The following PRKCE variants were observed in gnomAD, a reference collection of about 807,000 sequenced individuals.
The protein encoded by PRKCE is protein kinase C epsilon type.
In PRKCE, 16 loss-of-function variants were observed where a neutral mutation model predicts 85.4. The ratio of observed to expected loss-of-function variants is 0.19; its 90% CI spans 0.13 to 0.28. The LOEUF (loss-of-function observed/expected upper bound fraction) is 0.28. Ranked by LOEUF, PRKCE falls within the 10% of genes least tolerant of loss-of-function variation. The pLI is 1.00. For missense variants in PRKCE, 573 were observed against 975.2 expected, an observed-to-expected ratio of 0.59 and a Z score of 5.49; for synonymous variants, 388 against 371.5, an observed-to-expected ratio of 1.04 and a Z score of -0.51.
intron 10 of PRKCE, among the ~76,000 whole-genome samples, chr2:46,035,091 C>G (rs1241834541): frequency 6.6e-6 from 1 of 152,248 alleles, no homozygotes; most frequent in Non-Finnish European, 1.5e-5. Context: ...TTCCTTCAGA[C>G]AGGGTCTCCT....
chr2:46,173,024 C>T (rs1450470038), intron 14 of PRKCE, among the ~76,000 whole-genome samples: 1 of 152,324 alleles, frequency 6.6e-6, no homozygotes, highest in Non-Finnish European at 1.5e-5. Context: ...AAACACAGTA[C>T]ACTGTTCTAT....
chr2:45,760,565 C>T (rs1684384384), intron 1 of PRKCE, among the ~76,000 whole-genome samples: 1 of 152,302 alleles, frequency 6.6e-6, no homozygotes. Flanking sequence ...CAAGGCGTGA[C>T]ACGATGAAGG....
At chr2:45,839,097 C>T (rs6732900) in intron 1 of PRKCE, among the ~76,000 whole-genome samples, 64,753 of 151,396 alleles carry the variant, frequency 0.43, 13,969 homozygotes, top group Middle Eastern at 0.53. Context: ...TTACCCACCA[C>T]GTGCAGAGTG....
intron 10 of PRKCE, among the ~76,000 whole-genome samples, chr2:46,045,627 C>G (rs1360742574): frequency 6.6e-6 from 1 of 152,168 alleles, no homozygotes; most frequent in Non-Finnish European, 1.5e-5. Context: ...GCCTGTAATC[C>G]CAGCACTTTG....
At chr2:46,095,284 G>A (rs984440634) in intron 11 of PRKCE, among the ~76,000 whole-genome samples, 6 of 152,274 alleles carry the variant, frequency 3.9e-5, no homozygotes, top group African/African-American at 1.2e-4. Flanking sequence ...GAGACGGCCT[G>A]GTGGCCAGCA....
chr2:46,083,247 G>A (rs771025830), intron 10 of PRKCE, among the ~76,000 whole-genome samples: 7 of 152,082 alleles, frequency 4.6e-5, no homozygotes, highest in East Asian at 1.9e-4. Context: ...CACTACGCCC[G>A]GCCCATCCTC....
At chr2:45,861,899 TA>T (rs1693189396) in intron 2 of PRKCE, among the ~76,000 whole-genome samples, 1 of 152,050 alleles carries the variant, frequency 6.6e-6, no homozygotes, top group Non-Finnish European at 1.5e-5. Flanking sequence ...GTTTTGAAAA[TA>T]AATGGTTAAG....
At chr2:45,706,302 AC>A (rs2104306435) in intron 1 of PRKCE, among the ~76,000 whole-genome samples, 1 of 152,254 alleles carries the variant, frequency 6.6e-6, no homozygotes, top group South Asian at 2.1e-4. Context: ...TCAATGGAAA[AC>A]TTTTTTCCCT....
Position 45,884,782 on chromosome 2 carries a change from C to T in PRKCE, c.412+41719C>T, listed in dbSNP as rs149906594. 2.0e-5 allele frequency among the ~76,000 whole-genome samples: 3 copies of T among 151,666 alleles called. No individual in the cohort carries two copies. The East Asian group carries it at 5.8e-4, about 29-fold the overall frequency. ...TGCTCGTTGTAAAAACTTCAACCAG[C>T]ACAGAGGGATGAAGAGCGAAAGACA... On this transcript the variant is annotated intron_variant, in intron 2 of 14. Transcript: ENST00000306156.
intron 2 of PRKCE, among the ~76,000 whole-genome samples, chr2:45,878,629 T>G (rs1694652693): frequency 6.6e-6 from 1 of 152,222 alleles, no homozygotes; most frequent in African/African-American, 2.4e-5. Flanking sequence ...TTTAACAATT[T>G]TTTCTAGCAT....
At chr2:45,963,818 C>T (rs1360131050) in intron 2 of PRKCE, among the ~76,000 whole-genome samples, 1 of 149,394 alleles carries the variant, frequency 6.7e-6, no homozygotes, top group South Asian at 2.1e-4. Flanking sequence ...TTAATTCTGA[C>T]TTTAAAATTA....
rs150784448 is a variant in PRKCE at position 45,731,181 on chromosome 2, G to A, written c.348+78733G>A. Among the ~76,000 whole-genome samples, 22 of 152,342 alleles carry A rather than the reference G, an allele frequency of 1.4e-4. No homozygotes were observed. In the East Asian group the frequency reaches 3.7e-3, roughly 25 times the overall value. ...AGCATTGGCCTTTGTGTTTAGAGAG[G>A]AAGATGGTTATTACAGCTAGTGTCA... is the stretch of plus-strand genomic sequence containing the variant. On this transcript the variant is annotated intron_variant, in intron 1 of 14. Coordinates refer to ENST00000306156, the MANE Select transcript of PRKCE (RefSeq NM_005400.3).
intron 1 of PRKCE, among the ~76,000 whole-genome samples, chr2:45,807,411 G>A (rs566500713): frequency 6.6e-6 from 1 of 152,228 alleles, no homozygotes; most frequent in Non-Finnish European, 1.5e-5. Flanking sequence ...CTCAAAAGGC[G>A]ATGTGTTTCA....
chr2:46,157,380 T>C (rs1677319707), intron 13 of PRKCE, among the ~76,000 whole-genome samples: 1 of 152,174 alleles, frequency 6.6e-6, no homozygotes, highest in African/African-American at 2.4e-5. Flanking sequence ...AGCAGTGGCC[T>C]TTAACTAGGG....
chr2:46,044,942 C>A (rs976704044), intron 10 of PRKCE, among the ~76,000 whole-genome samples: 3 of 152,170 alleles, frequency 2.0e-5, no homozygotes, highest in Non-Finnish European at 4.4e-5. Context: ...TCTTCTTATT[C>A]TATATACTTC....
chr2:45,933,369 C>T (rs184795195), intron 2 of PRKCE, among the ~76,000 whole-genome samples: 15 of 151,430 alleles, frequency 9.9e-5, no homozygotes, highest in African/African-American at 3.1e-4. Context: ...TTTTCGTATT[C>T]CATTCAAGAA....
At chr2:46,109,911 G>C (rs981145093) in intron 11 of PRKCE, among the ~76,000 whole-genome samples, 1 of 152,018 alleles carries the variant, frequency 6.6e-6, no homozygotes, top group African/African-American at 2.4e-5. Flanking sequence ...TATAATGAAT[G>C]GGTATTGGAT....
intron 5 of PRKCE, among the ~76,000 whole-genome samples, 166 bp downstream of exon 5, chr2:45,980,547 C>T (rs1468892173): frequency 6.6e-6 from 1 of 152,218 alleles, no homozygotes; most frequent in African/African-American, 2.4e-5. Context: ...GCATGAGACA[C>T]CATCCGCAGG....
chr2:45,948,096 T>C (rs1700360684), intron 2 of PRKCE, among the ~76,000 whole-genome samples: 1 of 152,244 alleles, frequency 6.6e-6, no homozygotes, highest in Admixed American at 6.5e-5. Flanking sequence ...ATTTGTGAAT[T>C]GCATCTGTTT....
Sources: allele counts gnomAD v4.1 joint callset (sites outside exome capture counted in the v4.1 genomes callset), GRCh38; gene constraint gnomAD v4.1.1; transcripts MANE v1.5; gene names NCBI Gene and HGNC (gene_info 2026-07-23, HGNC 2026-07-21).